COG5: variants seen among roughly 807,000 people sequenced by gnomAD.
COG5 encodes conserved oligomeric Golgi complex subunit 5.
Under a neutral mutation model 110.4 loss-of-function variants are expected in COG5, and 86 were observed. The ratio of observed to expected loss-of-function variants is 0.78; its 90% confidence interval spans 0.65 to 0.93. The LOEUF is 0.93. Among genes scored for constraint, COG5 ranks in the 40% least tolerant of loss-of-function variants. The probability of loss-of-function intolerance (pLI) is 0.00; values close to 1 mark genes in which losing one functional copy is unlikely to be tolerated. For synonymous variants in COG5, 360 were observed against 334.6 expected, an observed-to-expected ratio of 1.08 and a Z score of -0.83; for missense variants, 1,077 against 987.0, an observed-to-expected ratio of 1.09 and a Z score of -1.22.
At chr7:107,347,367 T>C (rs2129039294) in intron 10 of COG5, among the ~76,000 whole-genome samples, 1 of 152,230 alleles carries the variant, frequency 6.6e-6, no homozygotes, top group African/African-American at 2.4e-5. Flanking sequence ...AATGAATCAG[T>C]ATAAAAGTTA....
intron 6 of COG5, among the ~76,000 whole-genome samples, chr7:107,431,782 C>T (rs1214884425): frequency 2.0e-5 from 3 of 151,968 alleles, no homozygotes; most frequent in South Asian, 2.1e-4. Flanking sequence ...CAGCCTCCAA[C>T]GTAGCTGGGA....
chr7:107,481,019 T>C (rs1303613917), intron 6 of COG5: 3 of 152,174 alleles, frequency 2.0e-5, no homozygotes, highest in Admixed American at 6.6e-5. Context: ...CTTTCAAATA[T>C]GACAGCTTTG....
chr7:107,393,263 A>G (rs1475158057), intron 7 of COG5, among the ~76,000 whole-genome samples: 4 of 152,198 alleles, frequency 2.6e-5, no homozygotes, highest in Middle Eastern at 3.4e-3. Flanking sequence ...TAGGAATTCT[A>G]CTGTTTCCTT....
intron 7 of COG5, among the ~76,000 whole-genome samples, chr7:107,401,800 G>A (rs1210132839): frequency 6.6e-6 from 1 of 152,164 alleles, no homozygotes; most frequent in African/African-American, 2.4e-5. Context: ...TTTAAAGCTA[G>A]GCAAATGGTG....
In COG5 at chr7:107,279,958, A is replaced by G. The variant is rs1026060429; in HGVS notation, c.1575+1342T>C. On this transcript the variant is annotated intron_variant, in intron 14 of 21. Transcript: ENST00000297135. ...TATGTTAACTGAAGTACATATTACC[A>G]TTACCACTGTCCCTCCCTACTCTCA... Among the ~76,000 whole-genome samples, 3 of 152,134 alleles carry G rather than the reference A, an allele frequency of 2.0e-5. No homozygotes were observed. The East Asian group carries it at 5.8e-4, about 29-fold the overall frequency.
Position 107,548,258 on chromosome 7 carries a change from T to C in COG5, c.347+20A>G, listed in dbSNP as rs766994677. 5 of 1,607,046 alleles carry C rather than the reference T, an allele frequency of 3.1e-6. No homozygotes were observed. The East Asian group carries it at 1.1e-4, about 36-fold the overall frequency. On this transcript the variant is annotated intron_variant, in intron 4 of 21. Coordinates refer to ENST00000297135, the MANE Select transcript of COG5 (RefSeq NM_006348.5). Reference sequence around the variant, plus strand: ...TAAAAACATTCCCATTCCATTTATTTATAAAATTAAGAACAGTACCTATCA... The same window carrying C: ...TAAAAACATTCCCATTCCATTTATTCATAAAATTAAGAACAGTACCTATCA...
intron 3 of COG5, among the ~76,000 whole-genome samples, chr7:107,553,800 C>T (rs1272046739): frequency 3.3e-5 from 5 of 152,164 alleles, no homozygotes; most frequent in Non-Finnish European, 7.3e-5. Context: ...TTCATGCCTT[C>T]TTCCACTACT....
At chr7:107,321,851 T>C (rs566534954) in intron 11 of COG5, among the ~76,000 whole-genome samples, 2 of 152,316 alleles carry the variant, frequency 1.3e-5, no homozygotes, top group African/African-American at 4.8e-5. Flanking sequence ...TATTTAAAAC[T>C]TTGATAAACT....
intron 16 of COG5, among the ~76,000 whole-genome samples, chr7:107,251,325 C>G (rs1802486042): frequency 1.3e-5 from 2 of 151,928 alleles, no homozygotes; most frequent in South Asian, 4.2e-4. Flanking sequence ...ACATTTCTGG[C>G]AAAAGAAAAT....
At chr7:107,281,244 T>C (rs1455258584) in intron 14 of COG5, 56 bp downstream of exon 14, 24 of 1,086,182 alleles carry the variant, frequency 2.2e-5, no homozygotes, top group Non-Finnish European at 3.0e-5. Flanking sequence ...AAGTATTATA[T>C]AGTTAGTAAT....
intron 7 of COG5, among the ~76,000 whole-genome samples, chr7:107,395,580 A>ATTTTT (rs1790937332): frequency 1.4e-5 from 1 of 71,072 alleles, no homozygotes; most frequent in African/African-American, 6.7e-5. Context: ...TTGAGAAGGA[A>ATTTTT]TTTTACTCTT....
At chr7:107,297,443 C>T (rs994310442) in intron 12 of COG5, among the ~76,000 whole-genome samples, 9 of 77,990 alleles carry the variant, frequency 1.2e-4, no homozygotes, top group South Asian at 5.1e-4. Context: ...TACATTCTGC[C>T]TTTTTTTTTT....
intron 7 of COG5, among the ~76,000 whole-genome samples, chr7:107,381,438 T>C (rs1815112214): frequency 6.6e-6 from 1 of 152,228 alleles, no homozygotes; most frequent in Non-Finnish European, 1.5e-5. Flanking sequence ...ATTTCTAAAA[T>C]TGTAATGTCT....
chr7:107,313,678 G>C (rs1158715135), intron 11 of COG5, among the ~76,000 whole-genome samples: 2 of 152,110 alleles, frequency 1.3e-5, no homozygotes, highest in Non-Finnish European at 2.9e-5. Context: ...TCCTACCTCT[G>C]TTTCCATTAT....
At chr7:107,350,784 A>C (rs956393699) in intron 10 of COG5, among the ~76,000 whole-genome samples, 1 of 152,116 alleles carries the variant, frequency 6.6e-6, no homozygotes, top group Non-Finnish European at 1.5e-5. Context: ...AAGACTCTCA[A>C]GTTTCTTCTT....
chr7:107,377,298 G>C (rs1215851637), intron 7 of COG5, among the ~76,000 whole-genome samples: 1 of 152,024 alleles, frequency 6.6e-6, no homozygotes, highest in Non-Finnish European at 1.5e-5. Flanking sequence ...TGTCATTTTT[G>C]ATATGTTGTT....
intron 12 of COG5, among the ~76,000 whole-genome samples, chr7:107,288,701 T>C (rs1805856959): frequency 1.3e-5 from 2 of 151,860 alleles, no homozygotes; most frequent in South Asian, 2.1e-4. Flanking sequence ...CTGAAACAAG[T>C]CAATTGCCAG....
At chr7:107,333,226 A>G (rs902785274) in intron 10 of COG5, among the ~76,000 whole-genome samples, 7 of 152,212 alleles carry the variant, frequency 4.6e-5, no homozygotes, top group African/African-American at 1.7e-4. Context: ...TCTGGATTCA[A>G]AGCAGAGGGA....
intron 6 of COG5, among the ~76,000 whole-genome samples, chr7:107,442,357 C>T (rs895314932): frequency 3.3e-5 from 5 of 152,120 alleles, no homozygotes. Context: ...AATTAAATCT[C>T]CTTATCAATT....
Sources: allele counts gnomAD v4.1 joint callset (sites outside exome capture counted in the v4.1 genomes callset), GRCh38; gene constraint gnomAD v4.1.1; transcripts MANE v1.5; gene names NCBI Gene and HGNC (gene_info 2026-07-23, HGNC 2026-07-21).